PLEKHG4B: variants seen among roughly 807,000 people sequenced by gnomAD.
The protein encoded by PLEKHG4B is pleckstrin homology domain-containing family G member 4B.
A neutral mutation model predicts 121.3 loss-of-function variants in PLEKHG4B; 111 were observed. The ratio of observed to expected loss-of-function variants is 0.92; its 90% CI spans 0.78 to 1.07. The LOEUF (loss-of-function observed/expected upper bound fraction) is 1.07, where lower values mean the gene tolerates loss of function less well. PLEKHG4B is among the 50% of genes least tolerant of loss of function. The probability of loss-of-function intolerance (pLI) is 0.00; values close to 1 mark genes in which losing one functional copy is unlikely to be tolerated. For synonymous variants in PLEKHG4B, 738 were observed against 725.0 expected, an observed-to-expected ratio of 1.02 and a Z score of -0.29; for missense variants, 1,831 against 1,757.8, an observed-to-expected ratio of 1.04 and a Z score of -0.74.
In PLEKHG4B at chr5:159,173, G is replaced by A. The variant is rs1031282127; in HGVS notation, c.2487+2262G>A. Among the ~76,000 whole-genome samples the A allele has an allele frequency of 1.3e-5, 2 of 151,612 alleles. No homozygotes were observed. The highest frequency in any genetic ancestry group is 2.9e-5 in the Non-Finnish European group (2 of 67,870). On this transcript the variant is annotated intron_variant, in intron 11 of 19. Transcript: ENST00000637938. The surrounding 1 kb of genome is among the most constrained non-coding windows in gnomAD (Gnocchi z 5.5). Reference sequence around the variant, plus strand: ...GCAGGTGTGCCCGAGGGTCACCCAGGTGCACTGAGAGCAGGTGTGCCTGAG... The same window carrying A: ...GCAGGTGTGCCCGAGGGTCACCCAGATGCACTGAGAGCAGGTGTGCCTGAG...
At chr5:174,249 G>C (rs1375659557) in intron 18 of PLEKHG4B, 151 bp downstream of exon 18, 1 of 451,378 alleles carries the variant, frequency 2.2e-6, no homozygotes, top group African/African-American at 2.2e-5. Context: ...GCTGTGGTCG[G>C]GGACTGAGTC....
rs1016180842 is a variant in PLEKHG4B at position 114,468 on chromosome 5, G to GT, written c.243+1027dup. ...AGATTCCATATTTTGGTGTTTGTTT[G>GT]TTTTTTTGAGATGGAGTCTTGCTCT... is the stretch of plus-strand genomic sequence containing the variant. On this transcript the variant is annotated intron_variant, in intron 2 of 19. Transcript: ENST00000637938. Among the ~76,000 whole-genome samples the GT allele has an allele frequency of 2.6e-5, 4 of 152,064 alleles. No individual in the cohort carries two copies. In the South Asian group the frequency reaches 6.2e-4, roughly 24 times the overall value.
In PLEKHG4B at chr5:120,014, G is replaced by A. The variant is rs528039618; in HGVS notation, c.243+6566G>A. 2.6e-4 allele frequency among the ~76,000 whole-genome samples: 40 copies of A among 152,312 alleles called. No homozygotes were observed. In the South Asian group the frequency reaches 7.7e-3, roughly 29 times the overall value. ...TGTAATCCCAGCACTTTGCAAGGCT[G>A]TGGGGGAGAATCGCTTGAGCCCAGG... On this transcript the variant is annotated intron_variant, in intron 2 of 19. Transcript: ENST00000637938.
Position 134,121 on chromosome 5 carries a change from ATG to A in PLEKHG4B, c.244-5359_244-5358del, listed in dbSNP as rs1302651292. Among the ~76,000 whole-genome samples, 32 of 101,754 alleles carry A rather than the reference ATG, an allele frequency of 3.1e-4. No individual in the cohort carries two copies. The South Asian group carries it at 3.7e-3, about 12-fold the overall frequency. The allele number at this position is 101,754 out of a possible 152,430, so 66.8% of individuals were successfully genotyped here. The stretch of plus-strand genomic sequence containing the variant: ...TATATATATATATATATATATATAT[ATG>A]TGATGGAATACTACTCAGCCATAAA... On this transcript the variant is annotated intron_variant, in intron 2 of 19. Transcript: ENST00000637938.
chr5:159,258 TC>T lies in PLEKHG4B; in HGVS notation c.2487+2348del, dbSNP rs1735912730. On this transcript the variant is annotated intron_variant, in intron 11 of 19. Coordinates refer to ENST00000637938, the MANE Select transcript of PLEKHG4B (RefSeq NM_052909.5). This position sits in a 1 kb window ranked among gnomAD's most constrained non-coding sequence, Gnocchi z 5.5. ...CACTGAGGGCAGGTGTGCCTGAGGG[TC>T]GCCCAGGTGCACTGAGGGCAGGTGT... 6.6e-6 allele frequency among the ~76,000 whole-genome samples: 1 copy of T among 150,820 alleles called. No individual in the cohort carries two copies. Among genetic ancestry groups the T allele is most frequent in the Non-Finnish European group, 1.5e-5 (1 of 67,770 alleles).
chr5:124,230 T>C (rs1472734910), intron 2 of PLEKHG4B, among the ~76,000 whole-genome samples: 1 of 152,180 alleles, frequency 6.6e-6, no homozygotes, highest in Non-Finnish European at 1.5e-5. Context: ...TCTTTTTAAG[T>C]TTACCGAGAC....
chr5:136,583 AG>A (rs1734989752), intron 2 of PLEKHG4B, among the ~76,000 whole-genome samples: 1 of 152,228 alleles, frequency 6.6e-6, no homozygotes, highest in Non-Finnish European at 1.5e-5. Flanking sequence ...ATTAATCAGG[AG>A]GGAAACACAA....
chr5:120,054 C>T (rs1170595797), intron 2 of PLEKHG4B, among the ~76,000 whole-genome samples: 1 of 152,144 alleles, frequency 6.6e-6, no homozygotes, highest in Non-Finnish European at 1.5e-5. Flanking sequence ...CAGTAGCATC[C>T]TGGGCAACAT....
rs1172542716 is a variant in PLEKHG4B at position 143,526 on chromosome 5, A to C, written c.1811+23A>C. The C allele has an allele frequency of 6.2e-6, 10 of 1,608,410 alleles. No individual in the cohort carries two copies. In the Admixed American group the frequency reaches 1.7e-4, roughly 27 times the overall value. On this transcript the variant is annotated intron_variant, in intron 5 of 19. Transcript: ENST00000637938. ...CAGGTGGGACGGGGGGCAAGGCCGC[A>C]CCCTGCAGACCCATGGGACCCCAGC...
At position 139,419 on chromosome 5, in the gene PLEKHG4B, A is replaced by G; in HGVS notation, c.244-64A>G. 2.5e-6 allele frequency: 1 copy of G among 398,830 alleles called. No individual in the cohort carries two copies. The highest frequency in any genetic ancestry group is 3.6e-5 in the East Asian group (1 of 28,066). The allele number at this position is 398,830 out of a possible 1,614,324, so 24.7% of individuals were successfully genotyped here. ...ACCTTCCCCTGAGGGGTGGAGACCC[A>G]GGGCATGGAAGGGCTCAGGACATGG... On this transcript the variant is annotated intron_variant, in intron 2 of 19. Transcript: ENST00000637938. The surrounding 1 kb of genome is among the most constrained non-coding windows in gnomAD (Gnocchi z 5.0).
intron 18 of PLEKHG4B, among the ~76,000 whole-genome samples, chr5:178,117 G>A (rs1197204141): frequency 6.6e-6 from 1 of 152,140 alleles, no homozygotes; most frequent in East Asian, 1.9e-4. Flanking sequence ...CCCTTTTCTG[G>A]TGGGGTCCCC....
intron 6 of PLEKHG4B, among the ~76,000 whole-genome samples, chr5:145,576 G>C (rs930711438): frequency 6.6e-6 from 1 of 152,214 alleles, no homozygotes; most frequent in Non-Finnish European, 1.5e-5. Flanking sequence ...TGCCTAGGCT[G>C]GTCTTGAACT....
At chr5:119,963 G>A (rs10037843) in intron 2 of PLEKHG4B, among the ~76,000 whole-genome samples, 1 of 152,142 alleles carries the variant, frequency 6.6e-6, no homozygotes, top group African/African-American at 2.4e-5. Flanking sequence ...AGTCACATGG[G>A]CTGGGTGCAC....
chr5:127,705 A>G (rs946653309), intron 2 of PLEKHG4B, among the ~76,000 whole-genome samples: 2 of 152,184 alleles, frequency 1.3e-5, no homozygotes, highest in African/African-American at 4.8e-5. Flanking sequence ...CACCAGCCAC[A>G]GTGATTAGAG....
chr5:165,613 C>T (rs1296283007), intron 13 of PLEKHG4B, among the ~76,000 whole-genome samples: 5 of 37,090 alleles, frequency 1.3e-4, no homozygotes, highest in Admixed American at 8.5e-4. Context: ...AATGCTCTGA[C>T]GGGGCGGAGC....
At chr5:121,569 C>T (rs1238887310) in intron 2 of PLEKHG4B, among the ~76,000 whole-genome samples, 2 of 151,720 alleles carry the variant, frequency 1.3e-5, no homozygotes, top group South Asian at 2.1e-4. Context: ...TGTTTAAAAC[C>T]GGAAACACCT....
chr5:168,962 G>T, intron 13 of PLEKHG4B: 1 of 217,442 alleles, frequency 4.6e-6, no homozygotes, highest in Non-Finnish European at 8.9e-6. Context: ...TGCAGCATCC[G>T]CCTCCCAGGT....
Position 171,281 on chromosome 5 carries a change from T to C in PLEKHG4B, c.3887T>C (p.Val1296Ala). The change falls in exon 16 of 20, where the codon GTG becomes GCG. Residue 1296 changes from valine (V) to alanine (A), a missense_variant. Physicochemically the swap from Val to Ala is moderately conservative, Grantham distance 64. Transcript: ENST00000637938. ...ASYLLRPVQR[V>A]AKYALLLQDL... is the part of the protein sequence containing the mutation. ...TACCTGCTGCGGCCCGTGCAGCGTG[T>C]GGCCAAGTACGCGCTGCTACTCCAG... is the stretch of plus-strand genomic sequence containing the variant. 6.2e-7 allele frequency: 1 copy of C among 1,611,952 alleles called. No individual in the cohort carries two copies.
chr5:140,780 C>A (rs1735150049), intron 3 of PLEKHG4B, 64 bp downstream of exon 3: 4 of 1,355,474 alleles, frequency 3.0e-6, no homozygotes, highest in African/African-American at 1.6e-5. Flanking sequence ...CCCACAATCT[C>A]CCCCTGCACA....
Sources: gnomAD v4.1 joint callset for allele counts (sites outside exome capture counted in the v4.1 genomes callset) on GRCh38, gnomAD v4.1.1 for gene constraint, Gnocchi (gnomAD v3.1) non-coding constraint, MANE v1.5 for transcripts, NCBI Gene and HGNC (gene_info 2026-07-23, HGNC 2026-07-21) for gene names.